The following AP1S2 variants were observed in gnomAD, a reference collection of about 807,000 sequenced individuals.
The protein encoded by AP1S2 is adaptor related protein complex 1 subunit sigma 2.
Under a neutral mutation model 14.3 loss-of-function variants are expected in AP1S2, and 1 was observed. The ratio of observed to expected loss-of-function variants is 0.07; its 90% confidence interval spans 0.02 to 0.33. AP1S2 has a LOEUF of 0.33. Among genes scored for constraint, AP1S2 ranks in the 10% least tolerant of loss-of-function variants. The probability of loss-of-function intolerance (pLI) is 0.99; values close to 1 mark genes in which losing one functional copy is unlikely to be tolerated. For synonymous variants in AP1S2, 30 were observed against 40.5 expected, an observed-to-expected ratio of 0.74 and a Z score of 0.99; for missense variants, 30 against 117.7, an observed-to-expected ratio of 0.25 and a Z score of 3.45.
intron 2 of AP1S2, among the ~76,000 whole-genome samples, chrX:15,849,227 A>AG (rs1332960503): frequency 8.9e-6 from 1 of 112,475 alleles, no homozygotes; most frequent in African/African-American, 3.2e-5. Flanking sequence ...CCCTCTCAAA[A>AG]GGGGGAATTT....
chrX:15,846,216 A>T (rs1025151889), intron 2 of AP1S2, among the ~76,000 whole-genome samples: 1 of 112,321 alleles, frequency 8.9e-6, no homozygotes, highest in Non-Finnish European at 1.9e-5. Flanking sequence ...AGAAAAAATC[A>T]AAATAATCAT....
At chrX:15,835,755 T>TG (rs2147304903) in intron 4 of AP1S2, among the ~76,000 whole-genome samples, 1 of 111,321 alleles carries the variant, frequency 9.0e-6, no homozygotes, top group East Asian at 2.8e-4. Flanking sequence ...AGCAACACGA[T>TG]GTATACTCTT....
In AP1S2 at chrX:15,826,261, T is replaced by TA. The variant is rs1228700657; in HGVS notation, c.*1063dup. On this transcript the variant is annotated 3_prime_UTR_variant, in exon 6 of 6. Transcript: ENST00000672987. ...GTGACGCTGAACAATTACATAGCTTTAAAAAATATAGAGCCATCTAATGCC... is the reference window on the plus strand; with the variant it reads ...GTGACGCTGAACAATTACATAGCTTTAAAAAAATATAGAGCCATCTAATGCC... 1.8e-5 allele frequency: 2 copies of TA among 112,436 alleles called. No homozygotes were observed. Among genetic ancestry groups the TA allele is most frequent in the African/African-American group, 6.5e-5 (2 of 30,973 alleles). The allele number at this position is 112,436 out of a possible 1,213,427, so 9.3% of individuals were successfully genotyped here.
chrX:15,840,431 G>A (rs920784078), intron 4 of AP1S2: 14 of 540,196 alleles, frequency 2.6e-5, no homozygotes, highest in African/African-American at 4.9e-5. Context: ...ATCATCTCAC[G>A]TGCAACAGTA....
intron 1 of AP1S2, among the ~76,000 whole-genome samples, chrX:15,853,944 A>T (rs754494976): frequency 8.9e-6 from 1 of 111,737 alleles, no homozygotes; most frequent in African/African-American, 3.3e-5. Flanking sequence ...TCGTATTCCT[A>T]GATCTTGGTG....
chrX:15,852,674 A>C (rs1431912746), intron 1 of AP1S2, 150 bp from the exon 2 acceptor site: 1 of 671,348 alleles, frequency 1.5e-6, no homozygotes, highest in East Asian at 3.4e-5. Context: ...TTAAAATAGC[A>C]AGAAATTCTT....
chrX:15,829,560 T>G (rs896715405), intron 4 of AP1S2, among the ~76,000 whole-genome samples: 2 of 111,987 alleles, frequency 1.8e-5, no homozygotes, highest in Non-Finnish European at 3.8e-5. Context: ...ATATGCATTA[T>G]TGAAAATATG....
At chrX:15,827,635 A>T (rs1933305664) in intron 5 of AP1S2, among the ~76,000 whole-genome samples, 1 of 111,809 alleles carries the variant, frequency 8.9e-6, no homozygotes, top group Admixed American at 9.5e-5. Context: ...TGCAAAAAGC[A>T]GTCAAGCCCA....
intron 4 of AP1S2, among the ~76,000 whole-genome samples, chrX:15,835,886 G>A (rs1235155687): frequency 9.1e-6 from 1 of 110,475 alleles, no homozygotes; most frequent in East Asian, 2.8e-4. Flanking sequence ...AGTAACACGA[G>A]TTAGCTAATA....
intron 1 of AP1S2, among the ~76,000 whole-genome samples, chrX:15,853,566 T>C (rs1934240522): frequency 1.8e-5 from 2 of 112,290 alleles, no homozygotes; most frequent in Non-Finnish European, 3.8e-5. Flanking sequence ...CAAGCATGAT[T>C]CTCAAGATTC....
chrX:15,846,082 C>T, intron 2 of AP1S2, 71 bp from the exon 3 acceptor site: 2 of 802,410 alleles, frequency 2.5e-6, no homozygotes, highest in Non-Finnish European at 3.8e-6. Context: ...TTTTCATATC[C>T]TATTATGAAA....
At chrX:15,840,716 C>G in intron 4 of AP1S2, 2 of 285,518 alleles carry the variant, frequency 7.0e-6, no homozygotes, top group Non-Finnish European at 1.2e-5. Flanking sequence ...ATCACCACCC[C>G]CCACCATATC....
At chrX:15,843,418 G>C (rs1263265710) in intron 4 of AP1S2, among the ~76,000 whole-genome samples, 1 of 111,151 alleles carries the variant, frequency 9.0e-6, no homozygotes, top group African/African-American at 3.3e-5. Flanking sequence ...AGCCAGGCAT[G>C]GTAGTGCAAG....
intron 4 of AP1S2, 93 bp from the exon 5 acceptor site, chrX:15,828,293 G>A: frequency 1.6e-6 from 1 of 638,637 alleles, no homozygotes; most frequent in Non-Finnish European, 2.2e-6. Flanking sequence ...ACTTCATGGT[G>A]TAATCTTAAG....
At position 15,831,983 on chromosome X, in the gene AP1S2, T is replaced by G. The variant is rs1211565889; in HGVS notation, c.427-3783A>C. On this transcript the variant is annotated intron_variant, in intron 4 of 5. Transcript: ENST00000672987. ...AAACTAAAGAACCTAGAGAAAAATCTTTCCCAATAAAAACTGGAAAAGTAG... is the reference window on the plus strand; with the variant it reads ...AAACTAAAGAACCTAGAGAAAAATCGTTCCCAATAAAAACTGGAAAAGTAG... The G allele has an allele frequency of 5.3e-6, 4 of 750,242 alleles. No individual in the cohort carries two copies. The East Asian group carries it at 6.1e-4, about 114-fold the overall frequency. The allele number at this position is 750,242 out of a possible 1,213,427, so 61.8% of individuals were successfully genotyped here.
chrX:15,838,376 A>G (rs1933718687), intron 4 of AP1S2, among the ~76,000 whole-genome samples: 1 of 111,453 alleles, frequency 9.0e-6, no homozygotes, highest in Non-Finnish European at 1.9e-5. Context: ...GTATTTGCTA[A>G]TTTTTCCAGA....
chrX:15,840,437 C>T (rs1263887858), intron 4 of AP1S2: 1 of 574,039 alleles, frequency 1.7e-6, no homozygotes, highest in Non-Finnish European at 2.5e-6. Context: ...TCACGTGCAA[C>T]AGTATTTGCA....
chrX:15,854,274 C>CG (rs761796031), intron 1 of AP1S2, among the ~76,000 whole-genome samples: 1 of 111,856 alleles, frequency 8.9e-6, no homozygotes, highest in Admixed American at 9.3e-5. Context: ...TGCCTCCCCC[C>CG]CACTCCCGTG....
At chrX:15,845,023 C>T in intron 4 of AP1S2, 1 of 750,423 alleles carries the variant, frequency 1.3e-6, no homozygotes, top group Non-Finnish European at 1.6e-6. Context: ...AGGGGGTTAT[C>T]TTAAACAATT....
Sources: allele counts gnomAD v4.1 joint callset (sites outside exome capture counted in the v4.1 genomes callset), GRCh38; gene constraint gnomAD v4.1.1; transcripts MANE v1.5; gene names NCBI Gene and HGNC (gene_info 2026-07-23, HGNC 2026-07-21).